CXADR: variants seen among roughly 807,000 people sequenced by gnomAD.
CXADR encodes the protein coxsackievirus and adenovirus receptor.
CXADR carries 20 observed loss-of-function variants against 40.3 expected under a neutral mutation model. That is an observed-to-expected ratio of 0.50 (90% CI 0.35 to 0.72). The LOEUF (loss-of-function observed/expected upper bound fraction) is 0.72, where lower values mean the gene tolerates loss of function less well. CXADR is among the 30% of genes least tolerant of loss of function. CXADR has a pLI of 0.01. For synonymous variants in CXADR, 150 were observed against 161.3 expected, an observed-to-expected ratio of 0.93 and a Z score of 0.53; for missense variants, 332 against 449.1, an observed-to-expected ratio of 0.74 and a Z score of 2.36.
intron 6 of CXADR, 47 bp downstream of exon 6, chr21:17,561,523 C>A: frequency 1.3e-6 from 2 of 1,515,186 alleles, no homozygotes; most frequent in South Asian, 1.2e-5. Context: ...AAATATATGT[C>A]ATTTCTCTAA....
At chr21:17,619,609 A>AAAG in the CXADR span, among the ~76,000 whole-genome samples, 1 of 151,118 alleles carries the variant, frequency 6.6e-6, no homozygotes. Flanking sequence ...AAAAAAAAAA[A>AAAG]AGAGAGAGAT....
Position 17,566,638 on chromosome 21 carries a change from G to A in CXADR, c.*946G>A. 1 of 984,774 alleles carries A rather than the reference G, an allele frequency of 1.0e-6. No homozygotes were observed. The highest frequency in any genetic ancestry group is 1.2e-6 in the Non-Finnish European group (1 of 829,398). 61.0% of individuals were successfully genotyped at this position (984,774 alleles called of 1,614,324 possible). A position where few individuals can be genotyped will look rare whatever the true frequency, so the allele number is the denominator to read the frequency against. On this transcript the variant is annotated 3_prime_UTR_variant, in exon 7 of 7. Transcript: ENST00000284878. ...TTTCCTAATTTATTCTAAATTTTAA[G>A]TGGTTCTTTGGTTCCAGTGCTTTAT...
chr21:17,593,467 T>G (rs892735327), exon 8 of CXADR: 3 of 247,316 alleles, frequency 1.2e-5, no homozygotes, highest in African/African-American at 6.6e-5. Context: ...ACTAACAAAT[T>G]TTTAACTTTT....
downstream of CXADR, among the ~76,000 whole-genome samples, chr21:17,598,271 C>T (rs1376793751): frequency 2.0e-5 from 3 of 151,826 alleles, no homozygotes; most frequent in Non-Finnish European, 4.4e-5. Context: ...AAGTTAAACC[C>T]AAAGGTACAA....
At chr21:17,617,089 C>T in the CXADR span, among the ~76,000 whole-genome samples, 2 of 152,152 alleles carry the variant, frequency 1.3e-5, no homozygotes. Flanking sequence ...CTCAAAGAGG[C>T]CTCAAACTTG....
chr21:17,585,772 C>T (rs2061391347), intron 7 of CXADR, among the ~76,000 whole-genome samples: 1 of 152,182 alleles, frequency 6.6e-6, no homozygotes, highest in Non-Finnish European at 1.5e-5. Flanking sequence ...CCCGCCTTGG[C>T]CTCCCAAAGT....
intron 1 of CXADR, chr21:17,543,013 AATTC>A (rs1292615203): frequency 5.6e-6 from 2 of 360,114 alleles, no homozygotes; most frequent in African/African-American, 4.3e-5. Context: ...TCAAGATTTT[AATTC>A]ATTTCTAGTG....
At chr21:17,619,569 C>G in the CXADR span, among the ~76,000 whole-genome samples, 1 of 149,526 alleles carries the variant, frequency 6.7e-6, no homozygotes. Context: ...AGTCTGGCAG[C>G]CTGGGCATCA....
intron 1 of CXADR, among the ~76,000 whole-genome samples, chr21:17,545,781 GT>G (rs72153877): frequency 0.55 from 66,734 of 120,456 alleles, 17,247 homozygotes; most frequent in Non-Finnish European, 0.66. Context: ...GGTTTTTTTT[GT>G]TTTTTTTTTT....
chr21:17,598,064 T>C (rs1049305721), downstream of CXADR, among the ~76,000 whole-genome samples: 6 of 152,190 alleles, frequency 3.9e-5, no homozygotes, highest in African/African-American at 7.2e-5. Context: ...TTTTTTAAAG[T>C]CGATTAAATG....
At chr21:17,634,251 G>C in the CXADR span, among the ~76,000 whole-genome samples, 1 of 152,098 alleles carries the variant, frequency 6.6e-6, no homozygotes, top group Non-Finnish European at 1.5e-5. Flanking sequence ...GTCCTATATG[G>C]GGGGGATCCT....
chr21:17,534,094 A>ATTTT, intron 1 of CXADR, among the ~76,000 whole-genome samples: 1 of 90,708 alleles, frequency 1.1e-5, no homozygotes, highest in African/African-American at 5.1e-5. Context: ...ATATATATAT[A>ATTTT]TATATATTTT....
chr21:17,626,406 T>G, the CXADR span, among the ~76,000 whole-genome samples: 12 of 152,344 alleles, frequency 7.9e-5, no homozygotes, highest in African/African-American at 2.9e-4. Flanking sequence ...TTTATTACCA[T>G]GTAAATTACC....
chr21:17,623,907 C>T, the CXADR span, among the ~76,000 whole-genome samples: 1 of 152,198 alleles, frequency 6.6e-6, no homozygotes. Flanking sequence ...TTCAACCCAA[C>T]ATATCCAGAA....
At chr21:17,618,625 C>T in the CXADR span, among the ~76,000 whole-genome samples, 2 of 151,994 alleles carry the variant, frequency 1.3e-5, no homozygotes, top group African/African-American at 2.4e-5. Flanking sequence ...GCAACCTTTG[C>T]CTCCTGGTTA....
At chr21:17,558,797 G>C (rs2061068984) in intron 3 of CXADR, among the ~76,000 whole-genome samples, 179 bp from the exon 4 acceptor site, 2 of 152,128 alleles carry the variant, frequency 1.3e-5, no homozygotes, top group Non-Finnish European at 2.9e-5. Context: ...ATTCTTTGCT[G>C]TTTTGTGTCA....
At chr21:17,634,028 A>G in the CXADR span, among the ~76,000 whole-genome samples, 1 of 152,184 alleles carries the variant, frequency 6.6e-6, no homozygotes, top group Non-Finnish European at 1.5e-5. Context: ...CCTTACAACA[A>G]CGTGAGACTA....
intron 1 of CXADR, among the ~76,000 whole-genome samples, chr21:17,517,799 A>G (rs2060479591): frequency 6.6e-6 from 1 of 152,210 alleles, no homozygotes; most frequent in African/African-American, 2.4e-5. Flanking sequence ...ATGAGGAAGA[A>G]TATTACCAAA....
At chr21:17,520,647 T>G (rs1156561909) in intron 1 of CXADR, among the ~76,000 whole-genome samples, 1 of 152,196 alleles carries the variant, frequency 6.6e-6, no homozygotes, top group African/African-American at 2.4e-5. Context: ...AAGGTAGAAC[T>G]GATAGAGCTA....
Sources: allele counts gnomAD v4.1 joint callset (sites outside exome capture counted in the v4.1 genomes callset), GRCh38; gene constraint gnomAD v4.1.1; transcripts MANE v1.5; gene names NCBI Gene and HGNC (gene_info 2026-07-23, HGNC 2026-07-21).